The following CLNK variants were observed in gnomAD, a reference collection of about 807,000 sequenced individuals.
CLNK encodes cytokine-dependent hematopoietic cell linker.
In CLNK, 74 loss-of-function variants were observed where a neutral mutation model predicts 68.6. The ratio of observed to expected loss-of-function variants is 1.08; its 90% CI spans 0.89 to 1.31. The LOEUF (loss-of-function observed/expected upper bound fraction) is 1.31, where lower values mean the gene tolerates loss of function less well. Among genes scored for constraint, CLNK ranks in the 50% most tolerant of loss-of-function variants. The probability of loss-of-function intolerance (pLI) is 0.00; values close to 1 mark genes in which losing one functional copy is unlikely to be tolerated. For synonymous variants in CLNK, 198 were observed against 172.2 expected, an observed-to-expected ratio of 1.15 and a Z score of -1.17; for missense variants, 553 against 515.3, an observed-to-expected ratio of 1.07 and a Z score of -0.71.
intron 4 of CLNK, among the ~76,000 whole-genome samples, chr4:10,577,437 C>T (rs116656563): frequency 2.6e-5 from 4 of 152,268 alleles, no homozygotes; most frequent in Non-Finnish European, 5.9e-5. Context: ...TTCTCAGGTA[C>T]CAGAACCGCT....
At chr4:10,621,345 G>A (rs1430185019) in intron 2 of CLNK, among the ~76,000 whole-genome samples, 1 of 152,306 alleles carries the variant, frequency 6.6e-6, no homozygotes, top group East Asian at 1.9e-4. Flanking sequence ...CCCAAGCAGA[G>A]TTACCGGAAG....
At chr4:10,724,783 G>T in the CLNK span, among the ~76,000 whole-genome samples, 6 of 152,154 alleles carry the variant, frequency 3.9e-5, no homozygotes, top group Non-Finnish European at 7.4e-5. Flanking sequence ...GGCTCATGTT[G>T]TCCCATTGTT....
At chr4:10,539,488 G>A (rs1486152745) in intron 11 of CLNK, among the ~76,000 whole-genome samples, 1 of 152,192 alleles carries the variant, frequency 6.6e-6, no homozygotes, top group Non-Finnish European at 1.5e-5. Context: ...CAAGCTTGAA[G>A]AAGGATGAAA....
At chr4:10,598,954 TCCCTCTTTATCAGATGC>T (rs892074687) in intron 2 of CLNK, among the ~76,000 whole-genome samples, 14 of 152,284 alleles carry the variant, frequency 9.2e-5, no homozygotes, top group African/African-American at 2.9e-4. Context: ...CAGGTACCGT[TCCCTCTTTATCAGATGC>T]CCTTGTCTTC....
intron 2 of CLNK, among the ~76,000 whole-genome samples, chr4:10,664,330 C>T (rs1165826969): frequency 2.0e-5 from 3 of 152,172 alleles, no homozygotes; most frequent in Non-Finnish European, 4.4e-5. Context: ...GATTCTAACG[C>T]TCCTTCAGGT....
At position 10,540,517 on chromosome 4, in the gene CLNK, A is replaced by G. The variant is rs1718969623; in HGVS notation, c.579T>C (p.Phe193=). The change falls in exon 11 of 19, where the codon TTT becomes TTC. Residue 193 remains phenylalanine, a synonymous_variant. Transcript: ENST00000226951. ...ACCTGGGCATTCTCTGGACTTCTGG[A>G]AAGGTGTGTCTCTGAGATAAAGGTG... ...SRPPLSQRHT[F]PEVQRMPSQI... 1 of 1,613,072 alleles carries G rather than the reference A, an allele frequency of 6.2e-7. No homozygotes were observed.
chr4:10,526,325 A>G (rs1469399795), intron 13 of CLNK, among the ~76,000 whole-genome samples: 1 of 152,222 alleles, frequency 6.6e-6, no homozygotes. Context: ...ACTCTGCCAG[A>G]GTCTGGGAAT....
At chr4:10,525,386 T>C (rs1307546028) in intron 14 of CLNK, among the ~76,000 whole-genome samples, 1 of 152,154 alleles carries the variant, frequency 6.6e-6, no homozygotes, top group African/African-American at 2.4e-5. Flanking sequence ...TCTTTAACTC[T>C]TCAGTTGGAT....
At chr4:10,530,674 T>A (rs1252397671) in intron 12 of CLNK, among the ~76,000 whole-genome samples, 4 of 152,180 alleles carry the variant, frequency 2.6e-5, no homozygotes, top group Admixed American at 6.5e-5. Flanking sequence ...CCTACTGTCC[T>A]CTCAGACTGA....
chr4:10,560,147 C>T (rs1358350050), intron 7 of CLNK, among the ~76,000 whole-genome samples: 1 of 152,218 alleles, frequency 6.6e-6, no homozygotes, highest in Admixed American at 6.5e-5. Context: ...AGATGCAGGT[C>T]TGCGTGCGTT....
intron 1 of CLNK, among the ~76,000 whole-genome samples, chr4:10,682,429 G>A (rs766479999): frequency 1.3e-5 from 2 of 152,182 alleles, no homozygotes; most frequent in African/African-American, 4.8e-5. Flanking sequence ...CTAGGATTCA[G>A]AAAAGGATGC....
At chr4:10,560,748 A>G (rs766521084) in intron 7 of CLNK, among the ~76,000 whole-genome samples, 3 of 152,114 alleles carry the variant, frequency 2.0e-5, no homozygotes, top group Non-Finnish European at 4.4e-5. Flanking sequence ...CTGGCTGGAG[A>G]TCCATTTCAC....
chr4:10,696,092 T>C, the CLNK span, among the ~76,000 whole-genome samples: 1 of 152,028 alleles, frequency 6.6e-6, no homozygotes, highest in Admixed American at 6.6e-5. Flanking sequence ...CTGACCTCAG[T>C]TGATCCACCC....
chr4:10,583,344 T>TG (rs1720855455), intron 4 of CLNK, among the ~76,000 whole-genome samples: 1 of 152,062 alleles, frequency 6.6e-6, no homozygotes, highest in Admixed American at 6.6e-5. Context: ...TGGAGTGCAG[T>TG]GGGGTGATCT....
chr4:10,563,064 G>A (rs542577905), intron 7 of CLNK, among the ~76,000 whole-genome samples: 119 of 152,290 alleles, frequency 7.8e-4, no homozygotes, highest in Non-Finnish European at 1.3e-3. Flanking sequence ...TTCATCACTC[G>A]TCTTGCTCCT....
chr4:10,724,775 C>T, the CLNK span, among the ~76,000 whole-genome samples: 6 of 152,146 alleles, frequency 3.9e-5, no homozygotes, highest in Non-Finnish European at 8.8e-5. Flanking sequence ...CAGCCTGGGG[C>T]TCATGTTGTC....
intron 2 of CLNK, among the ~76,000 whole-genome samples, chr4:10,643,208 C>G (rs938859256): frequency 6.6e-6 from 1 of 152,168 alleles, no homozygotes; most frequent in African/African-American, 2.4e-5. Context: ...TTTACTCCTC[C>G]CTGTGATGGC....
At chr4:10,722,787 C>T in the CLNK span, among the ~76,000 whole-genome samples, 58 of 152,318 alleles carry the variant, frequency 3.8e-4, 2 homozygotes, top group South Asian at 9.5e-3. Context: ...TGGTGGCTCA[C>T]GCCTGTTATT....
chr4:10,682,406 A>G (rs913601393), intron 1 of CLNK, among the ~76,000 whole-genome samples: 1 of 152,142 alleles, frequency 6.6e-6, no homozygotes, highest in African/African-American at 2.4e-5. Context: ...AGTGGATATA[A>G]CTGCTCCATG....
Sources: gnomAD v4.1 joint callset for allele counts (sites outside exome capture counted in the v4.1 genomes callset) on GRCh38, gnomAD v4.1.1 for gene constraint, MANE v1.5 for transcripts, NCBI Gene and HGNC (gene_info 2026-07-23, HGNC 2026-07-21) for gene names.